The following PCDHGA6 variants were observed in gnomAD, a reference collection of about 807,000 sequenced individuals.
PCDHGA6 encodes the protein protocadherin gamma subfamily A, 6, also known as protocadherin gamma-A6.
In PCDHGA6, 41 loss-of-function variants were observed where a neutral mutation model predicts 60.6. The observed-to-expected ratio is 0.68, with a 90% CI of 0.53 to 0.88. PCDHGA6 has a LOEUF of 0.88. Among genes scored for constraint, PCDHGA6 ranks in the 40% least tolerant of loss-of-function variants. PCDHGA6 has a pLI of 0.00. For missense variants in PCDHGA6, 1,312 were observed against 1,203.0 expected, an observed-to-expected ratio of 1.09 and a Z score of -1.34; for synonymous variants, 594 against 524.4, an observed-to-expected ratio of 1.13 and a Z score of -1.81.
chr5:141,423,531 C>T, intron 1 of PCDHGA6: 1 of 1,613,736 alleles, frequency 6.2e-7, no homozygotes, highest in South Asian at 1.1e-5. Context: ...AGAAGAGTCA[C>T]CTGATTTTCC....
chr5:141,398,578 A>C (rs370163028), intron 1 of PCDHGA6: 29 of 1,613,942 alleles, frequency 1.8e-5, no homozygotes, highest in Admixed American at 3.3e-5. Context: ...GCCTGGCACA[A>C]GATTTATACT....
chr5:141,383,626 T>C (rs747491955), intron 1 of PCDHGA6: 1 of 1,613,896 alleles, frequency 6.2e-7, no homozygotes, highest in Non-Finnish European at 8.5e-7. Context: ...GCCTGTCTTC[T>C]CTCTGCCTCA....
intron 2 of PCDHGA6, among the ~76,000 whole-genome samples, chr5:141,499,314 A>C (rs2099791047): frequency 6.6e-6 from 1 of 152,238 alleles, no homozygotes; most frequent in Non-Finnish European, 1.5e-5. Context: ...TCTGAGAGAC[A>C]GTATCCCTGC....
Position 141,489,524 on chromosome 5 carries a change from T to TA in PCDHGA6, c.2425-5282dup. Reference sequence around the variant, plus strand: ...AATCAAAAGATTGACCGAGAAAGCCTATGTGGAGCCAGCACCAGCTGCCTG... The same window carrying TA: ...AATCAAAAGATTGACCGAGAAAGCCTAATGTGGAGCCAGCACCAGCTGCCTG... On this transcript the variant is annotated intron_variant, in intron 1 of 3. Transcript: ENST00000517434. This position sits in a 1 kb window ranked among gnomAD's most constrained non-coding sequence, Gnocchi z 4.5. 6.2e-7 allele frequency: 1 copy of TA among 1,614,076 alleles called. No homozygotes were observed. Among genetic ancestry groups the TA allele is most frequent in the Non-Finnish European group, 8.5e-7 (1 of 1,180,010 alleles).
chr5:141,409,034 A>C, intron 1 of PCDHGA6: 1 of 1,613,992 alleles, frequency 6.2e-7, no homozygotes, highest in Non-Finnish European at 8.5e-7. Context: ...TGCTGAGATA[A>C]ACTACTACTT....
chr5:141,459,311 T>A (rs1298312167), intron 1 of PCDHGA6, among the ~76,000 whole-genome samples: 1 of 152,250 alleles, frequency 6.6e-6, no homozygotes, highest in Non-Finnish European at 1.5e-5. Flanking sequence ...TATACTATTT[T>A]GTATCCATCT....
At chr5:141,446,697 C>T (rs1254994356) in intron 1 of PCDHGA6, among the ~76,000 whole-genome samples, 9 of 152,134 alleles carry the variant, frequency 5.9e-5, no homozygotes, top group Admixed American at 5.9e-4. Context: ...AGGCTGGTCT[C>T]GAACTCTGAT....
chr5:141,390,263 T>G (rs1249972080), intron 1 of PCDHGA6: 2 of 1,614,054 alleles, frequency 1.2e-6, no homozygotes, highest in Non-Finnish European at 1.7e-6. Context: ...GTAATTCCAG[T>G]GAATTGACTT....
In PCDHGA6 at chr5:141,413,207, C is replaced by G. The variant is rs563279284; in HGVS notation, c.2424+36700C>G. The G allele has an allele frequency of 2.1e-4, 334 of 1,612,874 alleles. 3 individuals carry two copies. In the South Asian group the frequency reaches 3.4e-3, roughly 17 times the overall value. On this transcript the variant is annotated intron_variant, in intron 1 of 3. Coordinates refer to ENST00000517434, the MANE Select transcript of PCDHGA6 (RefSeq NM_018919.3). ...GCTCAAAGGAATCGCTCAAAGGAAT[C>G]AAAGGATTGCAGCGGGCTGGTCCTG... is the stretch of plus-strand genomic sequence containing the variant.
chr5:141,382,904 C>G, intron 1 of PCDHGA6: 1 of 1,543,132 alleles, frequency 6.5e-7, no homozygotes, highest in Non-Finnish European at 8.7e-7. Context: ...ACGACTATGG[C>G]GGCTCAGCCG....
chr5:141,384,636 C>T (rs760530136), intron 1 of PCDHGA6: 4 of 1,614,202 alleles, frequency 2.5e-6, no homozygotes, highest in South Asian at 1.1e-5. Flanking sequence ...AGCTGGCACC[C>T]CGCTCCGCAG....
Position 141,374,617 on chromosome 5 carries a change from C to T in PCDHGA6, c.534C>T (p.Phe178=). 2 of 1,613,518 alleles carry T rather than the reference C, an allele frequency of 1.2e-6. No individual in the cohort carries two copies. Among genetic ancestry groups the T allele is most frequent in the South Asian group, 1.1e-5 (1 of 91,058 alleles). ...QGFKLSGNSH[F]SVDVQSEAHG... ...TTAAGCTCAGTGGTAATAGTCACTT[C>T]TCAGTGGACGTGCAAAGCGAAGCCC... Residue 178 remains phenylalanine, a synonymous_variant, in exon 1 of 4, where the codon TTC becomes TTT. Transcript: ENST00000517434.
chr5:141,494,906 A>T, intron 2 of PCDHGA6, 41 bp downstream of exon 2: 1 of 1,613,800 alleles, frequency 6.2e-7, no homozygotes, highest in Non-Finnish European at 8.5e-7. Flanking sequence ...TCTCTGCGGC[A>T]TTTTCTCAGG....
At chr5:141,413,867 T>TTG in intron 1 of PCDHGA6, 1 of 1,613,428 alleles carries the variant, frequency 6.2e-7, no homozygotes, top group Non-Finnish European at 8.5e-7. Flanking sequence ...GGCACTGTCC[T>TTG]TGTCAGTGTG....
chr5:141,392,929 C>G, intron 1 of PCDHGA6: 2 of 1,613,888 alleles, frequency 1.2e-6, no homozygotes, highest in Non-Finnish European at 1.7e-6. Context: ...CCAGAAGAGA[C>G]GGACAAAGGC....
At chr5:141,443,759 A>G (rs1055796439) in intron 1 of PCDHGA6, among the ~76,000 whole-genome samples, 2 of 152,228 alleles carry the variant, frequency 1.3e-5, no homozygotes, top group African/African-American at 2.4e-5. Flanking sequence ...GAAGCTTACA[A>G]TATACAATAT....
chr5:141,409,023 A>G, intron 1 of PCDHGA6: 4 of 1,614,044 alleles, frequency 2.5e-6, no homozygotes, highest in Non-Finnish European at 3.4e-6. Flanking sequence ...GAGGGGGTCA[A>G]TGCTGAGATA....
At chr5:141,430,149 C>T (rs1051033560) in intron 1 of PCDHGA6, among the ~76,000 whole-genome samples, 4 of 151,968 alleles carry the variant, frequency 2.6e-5, no homozygotes, top group African/African-American at 9.7e-5. Flanking sequence ...CAGGATCATT[C>T]AAGGAATCTA....
At chr5:141,494,195 C>T in intron 1 of PCDHGA6, among the ~76,000 whole-genome samples, 1 of 152,188 alleles carries the variant, frequency 6.6e-6, no homozygotes, top group Non-Finnish European at 1.5e-5. Flanking sequence ...GACTTGGATG[C>T]CCCGCAAAGG....
Sources: allele counts gnomAD v4.1 joint callset (sites outside exome capture counted in the v4.1 genomes callset), GRCh38; gene constraint gnomAD v4.1.1; non-coding constraint Gnocchi (gnomAD v3.1); transcripts MANE v1.5; gene names NCBI Gene and HGNC (gene_info 2026-07-23, HGNC 2026-07-21).